The following RANBP2 variants were observed in gnomAD, a reference collection of about 807,000 sequenced individuals.
RANBP2 encodes E3 SUMO-protein ligase RanBP2.
Under a neutral mutation model 303.6 loss-of-function variants are expected in RANBP2, and 57 were observed. The observed-to-expected ratio is 0.19, with a 90% CI of 0.15 to 0.23. The LOEUF is 0.23. Ranked by LOEUF, RANBP2 falls within the 10% of genes least tolerant of loss-of-function variation. The probability of loss-of-function intolerance (pLI) is 1.00; values close to 1 mark genes in which losing one functional copy is unlikely to be tolerated. For synonymous variants in RANBP2, 1,167 were observed against 1,301.5 expected, an observed-to-expected ratio of 0.90 and a Z score of 2.23; for missense variants, 3,138 against 3,780.8, an observed-to-expected ratio of 0.83 and a Z score of 4.46.
the RANBP2 span, among the ~76,000 whole-genome samples, chr2:109,727,646 A>G: frequency 8.3e-4 from 126 of 152,266 alleles, 2 homozygotes; most frequent in East Asian, 0.024. Context: ...CTCTACAGAG[A>G]GCACATCTGA....
the RANBP2 span, among the ~76,000 whole-genome samples, chr2:109,192,731 T>G: frequency 1.2e-4 from 18 of 152,242 alleles, no homozygotes; most frequent in African/African-American, 3.9e-4. Flanking sequence ...GAAACTTATT[T>G]CAGTCCCTGG....
intron 21 of RANBP2, 126 bp from the exon 22 acceptor site, chr2:108,772,363 T>C: frequency 2.9e-6 from 2 of 694,148 alleles, no homozygotes; most frequent in Non-Finnish European, 5.1e-6. Flanking sequence ...AGAGAGGTAT[T>C]AAAGATATAA....
chr2:109,272,815 G>C, the RANBP2 span, among the ~76,000 whole-genome samples: 1 of 152,190 alleles, frequency 6.6e-6, no homozygotes, highest in East Asian at 1.9e-4. Flanking sequence ...GCACACGCAG[G>C]ACGTCAGGCT....
At chr2:109,241,785 A>C in the RANBP2 span, among the ~76,000 whole-genome samples, 2 of 142,272 alleles carry the variant, frequency 1.4e-5, no homozygotes, top group Non-Finnish European at 3.0e-5. Context: ...TTTTTTTTTG[A>C]GATGGAGTCT....
the RANBP2 span, among the ~76,000 whole-genome samples, chr2:109,261,015 T>G: frequency 6.6e-6 from 1 of 152,120 alleles, no homozygotes. Context: ...TCCCTCCCTT[T>G]AGAGGGCACT....
chr2:109,600,549 A>AC, the RANBP2 span, among the ~76,000 whole-genome samples: 247 of 152,122 alleles, frequency 1.6e-3, 1 homozygote, highest in African/African-American at 5.9e-3. Context: ...AAAAAAAAAA[A>AC]AAACCACAAA....
chr2:109,355,828 T>C, the RANBP2 span, among the ~76,000 whole-genome samples: 1 of 152,340 alleles, frequency 6.6e-6, no homozygotes, highest in South Asian at 2.1e-4. Flanking sequence ...TATTTCTCCA[T>C]ATACTAATGA....
At chr2:108,930,099 C>A in the RANBP2 span, 1,725 of 1,609,638 alleles carry the variant, frequency 1.1e-3, 16 homozygotes, top group Middle Eastern at 0.016. Flanking sequence ...GCACCAGGCT[C>A]CAGGAGGGCT....
Position 108,764,723 on chromosome 2 carries a change from T to C in RANBP2, c.4184T>C (p.Phe1395Ser), listed in dbSNP as rs1406078122. 3.7e-6 allele frequency: 6 copies of C among 1,614,018 alleles called. No homozygotes were observed. The highest frequency in any genetic ancestry group is 4.5e-5 in the East Asian group (2 of 44,876). The change falls in exon 20 of 29, where the codon TTT becomes TCT. Residue 1395 changes from phenylalanine (F) to serine (S), a missense_variant. Phe to Ser is a radical substitution (Grantham distance 155). This residue lies in a region of RANBP2 where 388 missense variants were observed against 328.5 expected (regional missense o/e 1.18). Coordinates refer to ENST00000283195, the MANE Select transcript of RANBP2 (RefSeq NM_006267.5). ...LVGPPLAETV[F>S]TPKTSPENVQ... ...GGCCCACCATTAGCTGAAACTGTTTTTACTCCTAAAACCAGCCCAGAGAAT... is the reference window on the plus strand; with the variant it reads ...GGCCCACCATTAGCTGAAACTGTTTCTACTCCTAAAACCAGCCCAGAGAAT...
At chr2:109,121,886 T>G in the RANBP2 span, among the ~76,000 whole-genome samples, 1 of 152,110 alleles carries the variant, frequency 6.6e-6, no homozygotes, top group African/African-American at 2.4e-5. Context: ...ATAAAACTTC[T>G]CCTCCTGCTA....
At chr2:109,240,118 G>A in the RANBP2 span, among the ~76,000 whole-genome samples, 1 of 152,272 alleles carries the variant, frequency 6.6e-6, no homozygotes, top group East Asian at 1.9e-4. Context: ...CCACACCTGG[G>A]GATTCTAGAC....
the RANBP2 span, among the ~76,000 whole-genome samples, chr2:109,692,098 T>G: frequency 6.6e-6 from 1 of 152,180 alleles, no homozygotes; most frequent in Non-Finnish European, 1.5e-5. Flanking sequence ...CAGTTTTCAA[T>G]TTCTGCCTAT....
the RANBP2 span, among the ~76,000 whole-genome samples, chr2:108,947,950 C>T: frequency 6.6e-6 from 1 of 152,312 alleles, no homozygotes; most frequent in East Asian, 1.9e-4. Context: ...TGCAAATTTT[C>T]CAAACCTTTA....
At chr2:108,798,824 C>CACAT in the RANBP2 span, among the ~76,000 whole-genome samples, 1 of 133,614 alleles carries the variant, frequency 7.5e-6, no homozygotes, top group East Asian at 2.0e-4. Context: ...CCTACACACA[C>CACAT]ACACACACAC....
chr2:109,533,665 A>G, the RANBP2 span, among the ~76,000 whole-genome samples: 1 of 152,362 alleles, frequency 6.6e-6, no homozygotes, highest in East Asian at 1.9e-4. Context: ...TAGCGAATAC[A>G]AACAGCTAAG....
chr2:109,215,466 C>CAGAACAG, the RANBP2 span, among the ~76,000 whole-genome samples: 1 of 152,118 alleles, frequency 6.6e-6, no homozygotes, highest in East Asian at 1.9e-4. Flanking sequence ...TTTACACCAT[C>CAGAACAG]AGAACAGGGG....
chr2:109,296,098 C>T, the RANBP2 span, among the ~76,000 whole-genome samples: 1 of 152,162 alleles, frequency 6.6e-6, no homozygotes, highest in African/African-American at 2.4e-5. Flanking sequence ...CCCCAGAAGG[C>T]TGCTGGGTCC....
chr2:109,440,666 G>T, the RANBP2 span, among the ~76,000 whole-genome samples: 1 of 152,144 alleles, frequency 6.6e-6, no homozygotes, highest in South Asian at 2.1e-4. Flanking sequence ...GCAGGCAGTG[G>T]CAAAAGGAGG....
the RANBP2 span, among the ~76,000 whole-genome samples, chr2:109,212,575 A>G: frequency 1.6e-3 from 238 of 152,290 alleles, 6 homozygotes; most frequent in Admixed American, 0.014. Context: ...TGGCTTGAGG[A>G]GAAGTCGGCT....
Sources: allele counts gnomAD v4.1 joint callset (sites outside exome capture counted in the v4.1 genomes callset), GRCh38; gene constraint gnomAD v4.1.1; regional missense constraint gnomAD v4.1.1; transcripts MANE v1.5; gene names NCBI Gene and HGNC (gene_info 2026-07-23, HGNC 2026-07-21).